RFX7: variants seen among roughly 807,000 people sequenced by gnomAD.
The protein encoded by RFX7 is regulatory factor X7.
In RFX7, 26 loss-of-function variants were observed where a neutral mutation model predicts 111.8. The observed-to-expected ratio is 0.23, with a 90% CI of 0.17 to 0.32. The LOEUF (loss-of-function observed/expected upper bound fraction) is 0.32, where lower values mean the gene tolerates loss of function less well. RFX7 is among the 10% of genes least tolerant of loss of function. RFX7 has a pLI of 1.00. For missense variants in RFX7, 1,573 were observed against 1,772.9 expected (o/e 0.89, Z 2.02); for synonymous variants, 624 against 624.4 (o/e 1.00, Z 0.01).
At chr15:56,098,428 G>T in intron 8 of RFX7, 52 bp from the exon 9 acceptor site, 1 of 1,496,398 alleles carries the variant, frequency 6.7e-7, no homozygotes, top group Non-Finnish European at 8.9e-7. Flanking sequence ...TTTATAGAAG[G>T]GAGGTTCCTT....
At chr15:56,200,582 C>T (rs1163798639) in intron 2 of RFX7, among the ~76,000 whole-genome samples, 5 of 151,992 alleles carry the variant, frequency 3.3e-5, no homozygotes, top group Non-Finnish European at 5.9e-5. Flanking sequence ...GGGCGGATCA[C>T]GAGGTCAGGA....
At chr15:56,204,700 T>A (rs114187139) in intron 2 of RFX7, among the ~76,000 whole-genome samples, 125 of 152,266 alleles carry the variant, frequency 8.2e-4, no homozygotes, top group African/African-American at 3.0e-3. Flanking sequence ...TACATTCAAG[T>A]AATAATGGCA....
chr15:56,153,694 T>C (rs2042608915), intron 3 of RFX7, among the ~76,000 whole-genome samples: 2 of 152,208 alleles, frequency 1.3e-5, no homozygotes, highest in Non-Finnish European at 2.9e-5. Context: ...TCATACTGAA[T>C]GGGCAAAAAC....
In RFX7 at chr15:56,149,681, C is replaced by A. The variant is rs890667338; in HGVS notation, c.196-5198G>T. On this transcript the variant is annotated intron_variant, in intron 3 of 9. Transcript: ENST00000559447. ...CTCCAGCACAGACACTGCGCTTGTC[C>A]CATGGTCTTCGTAACCCACAAACCA... Among the ~76,000 whole-genome samples, 7 of 152,298 alleles carry A rather than the reference C, an allele frequency of 4.6e-5. No individual in the cohort carries two copies. In the South Asian group the frequency reaches 1.5e-3, roughly 32 times the overall value.
intron 3 of RFX7, among the ~76,000 whole-genome samples, chr15:56,167,484 T>C (rs1319448617): frequency 1.3e-5 from 2 of 152,156 alleles, no homozygotes; most frequent in Non-Finnish European, 2.9e-5. Flanking sequence ...GGTAAAATAT[T>C]ACCCTCACTA....
chr15:56,243,798 C>T lies in RFX7; in HGVS notation c.-356G>A, dbSNP rs1471330432. Among the ~76,000 whole-genome samples, 1 of 147,772 alleles carries T rather than the reference C, an allele frequency of 6.8e-6. No individual in the cohort carries two copies. The highest frequency in any genetic ancestry group is 1.5e-5 in the Non-Finnish European group (1 of 66,310). The stretch of plus-strand genomic sequence containing the variant: ...ACGCCACTCCCCACGCCGCCGCCGC[C>T]GCCGCCGCTCGCTCCCGGCCCCGCC... On this transcript the variant is annotated 5_prime_UTR_variant, in exon 1 of 10. Transcript: ENST00000559447.
intron 2 of RFX7, among the ~76,000 whole-genome samples, chr15:56,237,102 GGTTTT>G (rs2043632177): frequency 6.6e-6 from 1 of 152,012 alleles, no homozygotes. Flanking sequence ...TTGTGCTTTT[GGTTTT>G]ATTATTGTTG....
In RFX7 at chr15:56,216,941, A is replaced by G. The variant is rs573737953; in HGVS notation, c.161+26184T>C. Among the ~76,000 whole-genome samples, 6 of 152,260 alleles carry G rather than the reference A, an allele frequency of 3.9e-5. No individual in the cohort carries two copies. In the South Asian group the frequency reaches 8.3e-4, roughly 21 times the overall value. On this transcript the variant is annotated intron_variant, in intron 2 of 9. Transcript: ENST00000559447. ...GTAGCAAGAATTACAGGCACACACC[A>G]CCATGCGTGGCTCTACGGATATTCT...
chr15:56,122,565 G>T (rs1359991937), intron 5 of RFX7, among the ~76,000 whole-genome samples: 1 of 152,154 alleles, frequency 6.6e-6, no homozygotes, highest in Non-Finnish European at 1.5e-5. Context: ...CAAGCCCTAG[G>T]GCTCTACAAT....
intron 3 of RFX7, among the ~76,000 whole-genome samples, chr15:56,150,035 G>C (rs1440532983): frequency 1.3e-5 from 2 of 151,380 alleles, no homozygotes; most frequent in African/African-American, 2.4e-5. Flanking sequence ...GGGGGGTTGC[G>C]GGGTGGGGCG....
At chr15:56,155,811 AAGGCTTTCATTCATTC>A (rs2042644834) in intron 3 of RFX7, among the ~76,000 whole-genome samples, 1 of 151,088 alleles carries the variant, frequency 6.6e-6, no homozygotes, top group South Asian at 2.1e-4. Context: ...CATAATAAAA[AAGGCTTTCATTCATTC>A]ATTTTTTAGA....
intron 5 of RFX7, among the ~76,000 whole-genome samples, chr15:56,140,679 A>G (rs1595959316): frequency 6.6e-6 from 1 of 152,296 alleles, no homozygotes; most frequent in South Asian, 2.1e-4. Context: ...CTGTAAATTA[A>G]TTGCTCAAAA....
At chr15:56,188,144 T>C (rs2043061253) in intron 2 of RFX7, among the ~76,000 whole-genome samples, 1 of 152,090 alleles carries the variant, frequency 6.6e-6, no homozygotes, top group South Asian at 2.1e-4. Flanking sequence ...CAAATGGAAG[T>C]TCTAGAACTT....
chr15:56,176,511 A>G (rs547992557), intron 3 of RFX7, among the ~76,000 whole-genome samples: 30 of 152,212 alleles, frequency 2.0e-4, no homozygotes, highest in Non-Finnish European at 4.0e-4. Context: ...GTAATGGATT[A>G]ACATATTCAA....
chr15:56,197,420 T>G (rs2043155013), intron 2 of RFX7, among the ~76,000 whole-genome samples: 1 of 152,198 alleles, frequency 6.6e-6, no homozygotes, highest in Admixed American at 6.5e-5. Flanking sequence ...AAAATCTTCC[T>G]TACCGTGAGC....
At chr15:56,119,729 AT>A (rs1344011427) in intron 5 of RFX7, among the ~76,000 whole-genome samples, 4 of 150,556 alleles carry the variant, frequency 2.7e-5, no homozygotes, top group Non-Finnish European at 5.9e-5. Flanking sequence ...ATGAGCTGAG[AT>A]CGCGCCATTG....
intron 2 of RFX7, among the ~76,000 whole-genome samples, chr15:56,230,807 T>C (rs1198927927): frequency 6.6e-6 from 1 of 152,188 alleles, no homozygotes; most frequent in Non-Finnish European, 1.5e-5. Flanking sequence ...TAAGATGTAA[T>C]TAAATGGCTG....
chr15:56,095,058 C>T lies in RFX7; in HGVS notation c.2670G>A (p.Glu890=). ...DELTQDSIVE[E]LVLMEQQMSM... The stretch of plus-strand genomic sequence containing the variant: ...ACATTTGCTGCTCCATAAGCACCAG[C>T]TCTTCCACAATACTATCTTGTGTAA... Residue 890 remains glutamate, a synonymous_variant, in exon 10 of 10, where the codon GAG becomes GAA. Coordinates refer to ENST00000559447, the MANE Select transcript of RFX7 (RefSeq NM_022841.7). 1 of 1,613,966 alleles carries T rather than the reference C, an allele frequency of 6.2e-7. No homozygotes were observed.
At chr15:56,138,952 C>A (rs1422510437) in intron 5 of RFX7, among the ~76,000 whole-genome samples, 3 of 152,156 alleles carry the variant, frequency 2.0e-5, no homozygotes, top group Non-Finnish European at 1.5e-5. Context: ...CCCCCACTCT[C>A]TTCTGGCTTG....
Sources: gnomAD v4.1 joint callset for allele counts (sites outside exome capture counted in the v4.1 genomes callset) on GRCh38, gnomAD v4.1.1 for gene constraint, MANE v1.5 for transcripts, NCBI Gene and HGNC (gene_info 2026-07-23, HGNC 2026-07-21) for gene names.